The following SAMTOR variants were observed in gnomAD, a reference collection of about 807,000 sequenced individuals.
SAMTOR encodes the protein UPF0532 protein C7orf60.
chr7:112,868,183 T>A, the SAMTOR span, among the ~76,000 whole-genome samples: 1 of 152,224 alleles, frequency 6.6e-6, no homozygotes, highest in African/African-American at 2.4e-5. Context: ...CAAACTACTA[T>A]GTCTACTATT....
At chr7:112,922,042 C>A in the SAMTOR span, among the ~76,000 whole-genome samples, 1 of 152,144 alleles carries the variant, frequency 6.6e-6, no homozygotes, top group Non-Finnish European at 1.5e-5. Context: ...TCTCGGCTCA[C>A]TGCAACCTCC....
chr7:112,934,857 G>C, the SAMTOR span, among the ~76,000 whole-genome samples: 1 of 152,148 alleles, frequency 6.6e-6, no homozygotes, highest in Non-Finnish European at 1.5e-5. Context: ...CCCCTAAAAC[G>C]ATACCTTGTC....
chr7:112,869,480 A>G, the SAMTOR span, among the ~76,000 whole-genome samples: 14 of 152,290 alleles, frequency 9.2e-5, no homozygotes, highest in African/African-American at 3.4e-4. Flanking sequence ...CAAGGAACCC[A>G]TAACACATGA....
At chr7:112,918,024 G>T in the SAMTOR span, among the ~76,000 whole-genome samples, 1 of 152,204 alleles carries the variant, frequency 6.6e-6, no homozygotes, top group African/African-American at 2.4e-5. Context: ...AAAACACTCT[G>T]CAGGATATAT....
At chr7:112,922,605 G>A in the SAMTOR span, among the ~76,000 whole-genome samples, 24 of 151,230 alleles carry the variant, frequency 1.6e-4, no homozygotes, top group East Asian at 3.0e-3. Flanking sequence ...CCTCTGCCCC[G>A]CCGCCCCGTC....
At chr7:112,916,536 G>C in the SAMTOR span, among the ~76,000 whole-genome samples, 1 of 152,208 alleles carries the variant, frequency 6.6e-6, no homozygotes, top group South Asian at 2.1e-4. Context: ...GGTGATTTCT[G>C]CATTTCCATC....
At chr7:112,833,080 C>T in the SAMTOR span, among the ~76,000 whole-genome samples, 11 of 152,134 alleles carry the variant, frequency 7.2e-5, no homozygotes, top group Non-Finnish European at 1.3e-4. Flanking sequence ...CTGGCTCCCC[C>T]ACCCCCAACC....
At chr7:112,893,688 G>C in the SAMTOR span, among the ~76,000 whole-genome samples, 1 of 152,182 alleles carries the variant, frequency 6.6e-6, no homozygotes, top group Non-Finnish European at 1.5e-5. Flanking sequence ...TGGATCACGA[G>C]GTCAAGAGAT....
At chr7:112,843,059 A>C in the SAMTOR span, among the ~76,000 whole-genome samples, 1 of 152,046 alleles carries the variant, frequency 6.6e-6, no homozygotes, top group Non-Finnish European at 1.5e-5. Context: ...TTATAACTTA[A>C]ATTCAGCAAA....
chr7:112,861,001 C>A, the SAMTOR span, among the ~76,000 whole-genome samples: 1 of 149,942 alleles, frequency 6.7e-6, no homozygotes, highest in Non-Finnish European at 1.5e-5. Flanking sequence ...CAAAAAGTGA[C>A]TAAATCAGAT....
the SAMTOR span, among the ~76,000 whole-genome samples, chr7:112,895,165 A>G: frequency 2.0e-5 from 3 of 151,776 alleles, no homozygotes; most frequent in Non-Finnish European, 4.4e-5. Context: ...TTTGATAATT[A>G]CATAAGAATT....
At chr7:112,824,511 C>T in the SAMTOR span, among the ~76,000 whole-genome samples, 1 of 151,878 alleles carries the variant, frequency 6.6e-6, no homozygotes, top group Non-Finnish European at 1.5e-5. Context: ...TACAGGCACG[C>T]ACCACCATGC....
the SAMTOR span, among the ~76,000 whole-genome samples, chr7:112,927,196 T>A: frequency 6.6e-6 from 1 of 152,046 alleles, no homozygotes; most frequent in Non-Finnish European, 1.5e-5. Context: ...GTGCCCAGTA[T>A]AATATTTAAA....
the SAMTOR span, among the ~76,000 whole-genome samples, chr7:112,902,447 AACAAAAAAAAAAACC>A: frequency 3.9e-5 from 5 of 129,272 alleles, no homozygotes; most frequent in African/African-American, 1.2e-4. Flanking sequence ...AACAAAAAAA[AACAAAAAAAAAAACC>A]AAAAAAGTTG....
At chr7:112,886,728 A>T in the SAMTOR span, among the ~76,000 whole-genome samples, 3 of 152,230 alleles carry the variant, frequency 2.0e-5, no homozygotes, top group African/African-American at 7.2e-5. Context: ...TAGCTTGGTT[A>T]CTTACCTGGT....
At chr7:112,851,234 T>C in the SAMTOR span, among the ~76,000 whole-genome samples, 1 of 152,144 alleles carries the variant, frequency 6.6e-6, no homozygotes, top group Non-Finnish European at 1.5e-5. Context: ...GGAGCTCAAC[T>C]AGCCAAAGCA....
At chr7:112,854,695 A>G in the SAMTOR span, among the ~76,000 whole-genome samples, 2 of 152,120 alleles carry the variant, frequency 1.3e-5, no homozygotes, top group Non-Finnish European at 2.9e-5. Context: ...GTTTCCCCAA[A>G]TTTATTTTGC....
chr7:112,843,721 A>G, the SAMTOR span, among the ~76,000 whole-genome samples: 8 of 151,994 alleles, frequency 5.3e-5, no homozygotes, highest in East Asian at 1.5e-3. Context: ...AATTCTACAA[A>G]GAGCTGGTAC....
chr7:112,866,078 G>T, the SAMTOR span, among the ~76,000 whole-genome samples: 2 of 151,864 alleles, frequency 1.3e-5, no homozygotes, highest in East Asian at 3.9e-4. Flanking sequence ...CATTCCACAG[G>T]TTTCAATAAT....
Sources: gnomAD v4.1 joint callset for allele counts (sites outside exome capture counted in the v4.1 genomes callset) on GRCh38, gnomAD v4.1.1 for gene constraint, MANE v1.5 for transcripts, NCBI Gene and HGNC (gene_info 2026-07-23, HGNC 2026-07-21) for gene names.